Variants in GFRAL observed in about 807,000 individuals in gnomAD.
GFRAL encodes the protein GDNF family receptor alpha-like.
A neutral mutation model predicts 45.4 loss-of-function variants in GFRAL; 36 were observed. The observed-to-expected ratio is 0.79, with a 90% CI of 0.61 to 1.05. The LOEUF (loss-of-function observed/expected upper bound fraction) is 1.05. Among genes scored for constraint, GFRAL ranks in the 50% least tolerant of loss-of-function variants. GFRAL has a pLI of 0.00. For missense variants in GFRAL, 507 were observed against 467.5 expected, an observed-to-expected ratio of 1.08 and a Z score of -0.78; for synonymous variants, 166 against 154.1, an observed-to-expected ratio of 1.08 and a Z score of -0.57.
At chr6:55,377,267 C>T (rs1289704090) in intron 6 of GFRAL, among the ~76,000 whole-genome samples, 4 of 151,912 alleles carry the variant, frequency 2.6e-5, no homozygotes, top group African/African-American at 9.7e-5. Context: ...TGGCAGCTGC[C>T]CTACTTCAAG....
At chr6:55,359,176 A>ATCTG in intron 6 of GFRAL, 38 bp downstream of exon 6, 1 of 1,542,878 alleles carries the variant, frequency 6.5e-7, no homozygotes, top group Non-Finnish European at 8.9e-7. Context: ...CTATCTATCT[A>ATCTG]TCTATCTATC....
intron 6 of GFRAL, among the ~76,000 whole-genome samples, chr6:55,388,033 C>A (rs1290220292): frequency 6.6e-6 from 1 of 152,158 alleles, no homozygotes; most frequent in African/African-American, 2.4e-5. Context: ...GCCTCTGTGA[C>A]AGACACTGCT....
intron 5 of GFRAL, among the ~76,000 whole-genome samples, chr6:55,356,706 G>T (rs1272887486): frequency 6.6e-6 from 1 of 151,330 alleles, no homozygotes; most frequent in African/African-American, 2.4e-5. Flanking sequence ...ATTTATTTCT[G>T]CTCTGAAGTT....
intron 6 of GFRAL, 143 bp from the exon 7 acceptor site, chr6:55,399,037 T>C: frequency 7.9e-6 from 4 of 503,440 alleles, no homozygotes; most frequent in Non-Finnish European, 1.4e-5. Flanking sequence ...AAGAAAATTG[T>C]TCCTAGTTTT....
intron 3 of GFRAL, 136 bp downstream of exon 3, chr6:55,334,080 A>G: frequency 1.6e-6 from 1 of 628,822 alleles, no homozygotes; most frequent in East Asian, 3.1e-5. Flanking sequence ...TATTTTAAAA[A>G]TTTTGTTGGT....
intron 6 of GFRAL, among the ~76,000 whole-genome samples, chr6:55,381,824 C>CCT (rs926014320): frequency 1.6e-4 from 24 of 151,110 alleles, no homozygotes; most frequent in Non-Finnish European, 2.5e-4. Context: ...TGCAAAAACT[C>CCT]CTCTCTCTCT....
At chr6:55,397,555 T>G (rs930972861) in intron 6 of GFRAL, among the ~76,000 whole-genome samples, 1 of 140,000 alleles carries the variant, frequency 7.1e-6, no homozygotes, top group Admixed American at 7.3e-5. Flanking sequence ...AAAAAATGCC[T>G]TAACTGTATT....
chr6:55,359,159 T>C lies in GFRAL; in HGVS notation c.952+21T>C, dbSNP rs199731960. 208 of 1,570,036 alleles carry C rather than the reference T, an allele frequency of 1.3e-4. 2 individuals are homozygous for C. The East Asian group carries it at 4.1e-3, about 31-fold the overall frequency. On this transcript the variant is annotated intron_variant, in intron 6 of 8. Coordinates refer to ENST00000340465, the MANE Select transcript of GFRAL (RefSeq NM_207410.2). ...TTTCAGTAAGTTCCCCAAATAAAAT[T>C]ATCTGTCTATCTATCTATCTATCTA... is the stretch of plus-strand genomic sequence containing the variant.
intron 6 of GFRAL, among the ~76,000 whole-genome samples, chr6:55,397,374 C>G (rs910778211): frequency 6.8e-6 from 1 of 147,302 alleles, no homozygotes; most frequent in East Asian, 2.0e-4. Flanking sequence ...AAAAATTAGC[C>G]GGGCGCAGTG....
At chr6:55,390,498 G>A (rs1053365680) in intron 6 of GFRAL, among the ~76,000 whole-genome samples, 2 of 152,180 alleles carry the variant, frequency 1.3e-5, no homozygotes, top group African/African-American at 4.8e-5. Context: ...ATATCTGCAT[G>A]AATATAATAT....
Position 55,369,049 on chromosome 6 carries a change from T to G in GFRAL, c.952+9911T>G, listed in dbSNP as rs868401652. The stretch of plus-strand genomic sequence containing the variant: ...GGCGCCCCTACCCCAGCCTGGCTGC[T>G]GCCTTGCAGTTTGATCTCAGACTGC... On this transcript the variant is annotated intron_variant, in intron 6 of 8. Coordinates refer to ENST00000340465, the MANE Select transcript of GFRAL (RefSeq NM_207410.2). Among the ~76,000 whole-genome samples the G allele has an allele frequency of 1.7e-4, 26 of 150,076 alleles. 1 individual carries two copies. The South Asian group carries it at 5.5e-3, about 32-fold the overall frequency.
chr6:55,331,887 T>C, intron 2 of GFRAL, 38 bp downstream of exon 2: 1 of 1,567,238 alleles, frequency 6.4e-7, no homozygotes, highest in Middle Eastern at 1.7e-4. Flanking sequence ...AATGATTTAT[T>C]TTTACTAAGA....
chr6:55,353,701 T>C (rs1768149850), intron 5 of GFRAL, among the ~76,000 whole-genome samples: 1 of 152,100 alleles, frequency 6.6e-6, no homozygotes, highest in South Asian at 2.1e-4. Context: ...TTTTTACACA[T>C]TTTAACATCT....
rs764145198 is a variant in GFRAL at position 55,358,820 on chromosome 6, G to A, written c.702-68G>A. 4 of 1,452,298 alleles carry A rather than the reference G, an allele frequency of 2.8e-6. No individual in the cohort carries two copies. In the Admixed American group the frequency reaches 7.0e-5, roughly 26 times the overall value. 90.0% of individuals were successfully genotyped at this position (1,452,298 alleles called of 1,614,324 possible). A position where few individuals can be genotyped will look rare whatever the true frequency, so the allele number is the denominator to read the frequency against. ...TGTTCTATGTCTTTCATTAGGTGAGGGGGGATCACATGTTAATGTGAAATA... is the reference window on the plus strand; with the variant it reads ...TGTTCTATGTCTTTCATTAGGTGAGAGGGGATCACATGTTAATGTGAAATA... On this transcript the variant is annotated intron_variant, in intron 5 of 8. Transcript: ENST00000340465.
intron 3 of GFRAL, among the ~76,000 whole-genome samples, chr6:55,341,927 T>C (rs976284798): frequency 2.0e-5 from 3 of 151,888 alleles, no homozygotes; most frequent in Non-Finnish European, 2.9e-5. Context: ...GTATCAGTGA[T>C]TGAAGATTAA....
chr6:55,354,961 C>A (rs1232999462), intron 5 of GFRAL, among the ~76,000 whole-genome samples: 1 of 151,752 alleles, frequency 6.6e-6, no homozygotes, highest in African/African-American at 2.4e-5. Flanking sequence ...TTATGTCTTG[C>A]CAATTTCACA....
chr6:55,332,594 T>C (rs1767844640), intron 2 of GFRAL, among the ~76,000 whole-genome samples: 1 of 152,106 alleles, frequency 6.6e-6, no homozygotes, highest in African/African-American at 2.4e-5. Context: ...CAGCTAATTT[T>C]TGTATTTTTA....
At chr6:55,393,599 A>C (rs1768782996) in intron 6 of GFRAL, among the ~76,000 whole-genome samples, 1 of 152,190 alleles carries the variant, frequency 6.6e-6, no homozygotes, top group Non-Finnish European at 1.5e-5. Context: ...CTCCAGCAGT[A>C]AAGAAAATGT....
intron 1 of GFRAL, among the ~76,000 whole-genome samples, chr6:55,328,776 C>T (rs1227486482): frequency 6.6e-6 from 1 of 151,966 alleles, no homozygotes; most frequent in Non-Finnish European, 1.5e-5. Flanking sequence ...ATTAACTTGA[C>T]ACCAGGTTGC....
Sources: gnomAD v4.1 joint callset for allele counts (sites outside exome capture counted in the v4.1 genomes callset) on GRCh38, gnomAD v4.1.1 for gene constraint, MANE v1.5 for transcripts, NCBI Gene and HGNC (gene_info 2026-07-23, HGNC 2026-07-21) for gene names.